Variants in BRF1 observed in about 807,000 individuals in gnomAD.
BRF1 encodes the protein transcription factor IIIB 90 kDa subunit.
A neutral mutation model predicts 81.7 loss-of-function variants in BRF1; 59 were observed. The ratio of observed to expected loss-of-function variants is 0.72; its 90% confidence interval spans 0.59 to 0.90. The LOEUF is 0.90. Among genes scored for constraint, BRF1 ranks in the 40% least tolerant of loss-of-function variants. The pLI is 0.00. For missense variants in BRF1, 1,050 were observed against 936.3 expected, an observed-to-expected ratio of 1.12 and a Z score of -1.58; for synonymous variants, 491 against 395.6, an observed-to-expected ratio of 1.24 and a Z score of -2.86.
In BRF1 at chr14:105,209,756, T is replaced by C; in HGVS notation, c.*795A>G. On this transcript the variant is annotated 3_prime_UTR_variant, in exon 18 of 18. Transcript: ENST00000547530. ...CTATGCAGGCTATGCCCGCACTGCC[T>C]ACAGAGCTATGCTCAGGACGGGTGG... The C allele has an allele frequency of 1.7e-6, 1 of 587,600 alleles. No homozygotes were observed. The highest frequency in any genetic ancestry group is 3.0e-6 in the Non-Finnish European group (1 of 329,376). 36.4% of individuals were successfully genotyped at this position (587,600 alleles called of 1,614,324 possible).
chr14:105,221,874 C>CTCCTCGCCACACAAGCTGGACGCGGTG lies in BRF1; in HGVS notation c.1062_1088dup (p.Asp354_Glu362dup). On this transcript the variant is annotated inframe_insertion, in exon 11 of 18. Coordinates refer to ENST00000547530, the MANE Select transcript of BRF1 (RefSeq NM_001519.4). ...CTTCCAGCTCCTCGTCCTCTGTGTCCTCCTCGCCACACAAGCTGGACGCGG... is the reference window on the plus strand; with the variant it reads ...CTTCCAGCTCCTCGTCCTCTGTGTCCTCCTCGCCACACAAGCTGGACGCGGTGTCCTCGCCACACAAGCTGGACGCGG... The CTCCTCGCCACACAAGCTGGACGCGGTG allele has an allele frequency of 1.2e-6, 2 of 1,601,432 alleles. No homozygotes were observed. The highest frequency in any genetic ancestry group is 2.2e-5 in the South Asian group (2 of 89,254).
upstream of BRF1, among the ~76,000 whole-genome samples, chr14:105,301,607 C>T (rs1474875281): frequency 6.6e-6 from 1 of 152,250 alleles, no homozygotes; most frequent in Non-Finnish European, 1.5e-5. Context: ...GCGGCGTCCG[C>T]CGCTCCGCTC....
rs911898718 is a variant in BRF1 at position 105,271,302 on chromosome 14, G to A, written c.439+1419C>T. 1.5e-4 allele frequency among the ~76,000 whole-genome samples: 23 copies of A among 152,244 alleles called. No homozygotes were observed. Among genetic ancestry groups the A allele is most frequent in the Admixed American group, 1.4e-3 (22 of 15,286 alleles). Reference sequence around the variant, plus strand: ...AAAGGCCTGATGGGCTCACACTGCCGTGAGATTTCTGAACGTGGAGATTAG... The same window carrying A: ...AAAGGCCTGATGGGCTCACACTGCCATGAGATTTCTGAACGTGGAGATTAG... On this transcript the variant is annotated intron_variant, in intron 3 of 17. Coordinates refer to ENST00000547530, the MANE Select transcript of BRF1 (RefSeq NM_001519.4). This position sits in a 1 kb window ranked among gnomAD's most constrained non-coding sequence, Gnocchi z 5.5.
At chr14:105,229,498 TG>T (rs1337541608) in intron 6 of BRF1, among the ~76,000 whole-genome samples, 2 of 152,182 alleles carry the variant, frequency 1.3e-5, no homozygotes, top group Non-Finnish European at 2.9e-5. Flanking sequence ...CCTGCCGACC[TG>T]GGGCTCCAAT....
chr14:105,210,776 CAGGG>C lies in BRF1; in HGVS notation c.1997-192_1997-189del, dbSNP rs1889990508. 6.6e-6 allele frequency among the ~76,000 whole-genome samples: 1 copy of C among 152,088 alleles called. No individual in the cohort carries two copies. Among genetic ancestry groups the C allele is most frequent in the Admixed American group, 6.6e-5 (1 of 15,266 alleles). On this transcript the variant is annotated intron_variant, in intron 17 of 17. Coordinates refer to ENST00000547530, the MANE Select transcript of BRF1 (RefSeq NM_001519.4). This position sits in a 1 kb window ranked among gnomAD's most constrained non-coding sequence, Gnocchi z 4.7. ...TCCCGGGACTGGCATGCACCCAGAG[CAGGG>C]CCTTGCTCCTCGTCGAGGGCACCTG...
upstream of BRF1, among the ~76,000 whole-genome samples, chr14:105,304,100 C>T (rs1212801168): frequency 6.6e-6 from 1 of 152,242 alleles, no homozygotes. Context: ...CGGTGCAGGA[C>T]AGTCAGGCAG....
intron 14 of BRF1, among the ~76,000 whole-genome samples, chr14:105,218,490 G>C (rs1294987278): frequency 6.6e-6 from 1 of 152,198 alleles, no homozygotes; most frequent in African/African-American, 2.4e-5. Context: ...AGGGACCCCA[G>C]TCTCGCAGGC....
In BRF1 at chr14:105,229,047, A is replaced by G. The variant is rs979275387; in HGVS notation, c.695-134T>C. 5 of 793,030 alleles carry G rather than the reference A, an allele frequency of 6.3e-6. No homozygotes were observed. The East Asian group carries it at 7.3e-5, about 12-fold the overall frequency. The allele number at this position is 793,030 out of a possible 1,614,324, so 49.1% of individuals were successfully genotyped here. Reference sequence around the variant, plus strand: ...GAAGACGTGTCTGTGCCAGGCAGTGAGACCCTCACTTGGCATGGCTACTCC... The same window carrying G: ...GAAGACGTGTCTGTGCCAGGCAGTGGGACCCTCACTTGGCATGGCTACTCC... On this transcript the variant is annotated intron_variant, in intron 6 of 17. Coordinates refer to ENST00000547530, the MANE Select transcript of BRF1 (RefSeq NM_001519.4).
At chr14:105,273,457 G>C (rs1416670912) in intron 2 of BRF1, among the ~76,000 whole-genome samples, 1 of 152,232 alleles carries the variant, frequency 6.6e-6, no homozygotes, top group African/African-American at 2.4e-5. Context: ...TGCCCAGAGG[G>C]AGGGCCATGG....
rs747590059 is a variant in BRF1, at chr14:105,249,959, T to C, written c.544+2548A>G. On this transcript the variant is annotated intron_variant, in intron 5 of 17. Coordinates refer to ENST00000547530, the MANE Select transcript of BRF1 (RefSeq NM_001519.4). Reference sequence around the variant, plus strand: ...CCTCAACACCAAAGAGGCGGTGGTCTTCGAGGCCGTCCTGAACTGGGCCGA... The same window carrying C: ...CCTCAACACCAAAGAGGCGGTGGTCCTCGAGGCCGTCCTGAACTGGGCCGA... The C allele has an allele frequency of 6.2e-7, 1 of 1,612,188 alleles. No individual in the cohort carries two copies. Among genetic ancestry groups the C allele is most frequent in the Non-Finnish European group, 8.5e-7 (1 of 1,180,010 alleles).
At chr14:105,300,331 C>T in intron 1 of BRF1, 115 bp downstream of exon 1, 2 of 1,200,434 alleles carry the variant, frequency 1.7e-6, no homozygotes, top group Non-Finnish European at 2.2e-6. Flanking sequence ...CGCAGAACCG[C>T]GCGCCCCGAC....
chr14:105,293,405 G>A (rs990500008), intron 1 of BRF1, among the ~76,000 whole-genome samples: 2 of 152,290 alleles, frequency 1.3e-5, no homozygotes, highest in East Asian at 1.9e-4. Flanking sequence ...TTGTGATTAC[G>A]GGAAACGCTC....
chr14:105,260,851 A>G (rs2056116198), intron 3 of BRF1, among the ~76,000 whole-genome samples: 1 of 152,212 alleles, frequency 6.6e-6, no homozygotes, highest in Admixed American at 6.5e-5. Context: ...AGACGATGGA[A>G]GCTCAATTAT....
chr14:105,296,913 T>A (rs2057770784), intron 1 of BRF1, among the ~76,000 whole-genome samples: 1 of 152,096 alleles, frequency 6.6e-6, no homozygotes, highest in South Asian at 2.1e-4. Context: ...TCCAGCACTT[T>A]GAGAGGCTGA....
chr14:105,275,188 C>T (rs2056829850), intron 2 of BRF1, among the ~76,000 whole-genome samples: 1 of 152,206 alleles, frequency 6.6e-6, no homozygotes, highest in East Asian at 1.9e-4. Context: ...CCAAGGAAGC[C>T]GGTGGCCAGG....
chr14:105,301,397 G>A (rs587692977), upstream of BRF1: 1 of 151,974 alleles, frequency 6.6e-6, no homozygotes, highest in African/African-American at 2.4e-5. Flanking sequence ...GGCGGAGCCT[G>A]GGTCTGGACC....
chr14:105,212,314 C>T (rs1336508935), intron 15 of BRF1, 150 bp from the exon 16 acceptor site: 9 of 983,138 alleles, frequency 9.2e-6, no homozygotes, highest in Admixed American at 2.3e-5. Context: ...GTTCTGTGTG[C>T]TCCATCAGTG....
intron 2 of BRF1, among the ~76,000 whole-genome samples, chr14:105,274,229 C>G (rs1354857149): frequency 1.3e-5 from 2 of 152,096 alleles, no homozygotes; most frequent in Non-Finnish European, 2.9e-5. Context: ...TCTTGCTGAC[C>G]TTCTCCCCAC....
chr14:105,212,572 T>C (rs1375379381), intron 15 of BRF1: 1 of 191,302 alleles, frequency 5.2e-6, no homozygotes, highest in Non-Finnish European at 1.1e-5. Context: ...TCCCTACATC[T>C]GCTGACAACA....
Sources: gnomAD v4.1 joint callset for allele counts (sites outside exome capture counted in the v4.1 genomes callset) on GRCh38, gnomAD v4.1.1 for gene constraint, Gnocchi (gnomAD v3.1) non-coding constraint, MANE v1.5 for transcripts, NCBI Gene and HGNC (gene_info 2026-07-23, HGNC 2026-07-21) for gene names.